TNRC6A: variants seen among roughly 807,000 people sequenced by gnomAD.
TNRC6A encodes trinucleotide repeat-containing gene 6A protein.
TNRC6A carries 44 observed loss-of-function variants against 221.2 expected under a neutral mutation model. That is an observed-to-expected ratio of 0.20 (90% CI 0.16 to 0.26). The LOEUF is 0.26. Among genes scored for constraint, TNRC6A ranks in the 10% least tolerant of loss-of-function variants. TNRC6A has a pLI of 1.00. For missense variants in TNRC6A, 2,199 were observed against 2,404.4 expected (o/e 0.91, Z 1.79); for synonymous variants, 847 against 838.5 (o/e 1.01, Z -0.18).
intron 4 of TNRC6A, among the ~76,000 whole-genome samples, chr16:24,766,674 CTTTTTT>C (rs397972605): frequency 8.2e-6 from 1 of 121,410 alleles, no homozygotes; most frequent in Non-Finnish European, 1.7e-5. Context: ...TTCTTTTTAT[CTTTTTT>C]TTTTTTTTTT....
chr16:24,792,280 G>A lies in TNRC6A; in HGVS notation c.3175+463G>A, dbSNP rs536943313. On this transcript the variant is annotated intron_variant, in intron 6 of 24. Coordinates refer to ENST00000395799, the MANE Select transcript of TNRC6A (RefSeq NM_014494.4). ...ACTTAGATACAGTATATATGTTTGTGTATTTAAAACATTTGACAATACCTT... is the reference window on the plus strand; with the variant it reads ...ACTTAGATACAGTATATATGTTTGTATATTTAAAACATTTGACAATACCTT... Among the ~76,000 whole-genome samples, 27 of 152,112 alleles carry A rather than the reference G, an allele frequency of 1.8e-4. No individual in the cohort carries two copies. The South Asian group carries it at 5.6e-3, about 32-fold the overall frequency.
At chr16:24,630,399 A>G (rs1307323410) in intron 1 of TNRC6A, among the ~76,000 whole-genome samples, 2 of 152,054 alleles carry the variant, frequency 1.3e-5, no homozygotes, top group East Asian at 1.9e-4. Context: ...CACAGTGGCT[A>G]ACATGTGTAA....
At chr16:24,708,318 G>A (rs112115564) in intron 2 of TNRC6A, among the ~76,000 whole-genome samples, 8 of 150,292 alleles carry the variant, frequency 5.3e-5, no homozygotes, top group African/African-American at 1.7e-4. Context: ...TCAGCTCACT[G>A]CAAGCTCCAC....
At chr16:24,818,096 G>A (rs2152088914) in intron 20 of TNRC6A, among the ~76,000 whole-genome samples, 1 of 152,272 alleles carries the variant, frequency 6.6e-6, no homozygotes, top group Admixed American at 6.5e-5. Flanking sequence ...GGTCGATGGG[G>A]TTTTGAAAAT....
chr16:24,726,012 A>C (rs931736320), upstream of TNRC6A, among the ~76,000 whole-genome samples: 18 of 152,068 alleles, frequency 1.2e-4, no homozygotes, highest in Middle Eastern at 3.4e-3. Flanking sequence ...AAAAAAAAAA[A>C]ACAAATCTGT....
At chr16:24,778,121 A>G (rs1220091538) in intron 5 of TNRC6A, among the ~76,000 whole-genome samples, 2 of 152,190 alleles carry the variant, frequency 1.3e-5, no homozygotes, top group Non-Finnish European at 2.9e-5. Context: ...AGTATAGCAT[A>G]CTGATAAAGA....
At chr16:24,630,483 G>A (rs1261014156) in intron 1 of TNRC6A, among the ~76,000 whole-genome samples, 1 of 152,174 alleles carries the variant, frequency 6.6e-6, no homozygotes. Flanking sequence ...GGGCAACGTA[G>A]TGAGAACTTG....
chr16:24,617,100 C>T (rs1900394213), intron 1 of TNRC6A, among the ~76,000 whole-genome samples: 1 of 151,022 alleles, frequency 6.6e-6, no homozygotes, highest in Non-Finnish European at 1.5e-5. Context: ...ATAGATTTAT[C>T]TATTAGTTTT....
rs1308501929 is a variant in TNRC6A, at chr16:24,665,517, T to C, written n.402+24508T>C. 2.0e-5 allele frequency among the ~76,000 whole-genome samples: 3 copies of C among 152,214 alleles called. No homozygotes were observed. In the East Asian group the frequency reaches 5.8e-4, roughly 29 times the overall value. On this transcript the variant is annotated intron_variant and non_coding_transcript_variant, in intron 2 of 2. Transcript: ENST00000566108. Reference sequence around the variant, plus strand: ...GTCAAGACCCACTGCTCCAAGGTGTTTTCTTCACAGTCATAACAATAGTCT... The same window carrying C: ...GTCAAGACCCACTGCTCCAAGGTGTCTTCTTCACAGTCATAACAATAGTCT...
At chr16:24,678,205 G>A (rs142074711) in intron 2 of TNRC6A, among the ~76,000 whole-genome samples, 10 of 151,758 alleles carry the variant, frequency 6.6e-5, no homozygotes, top group Admixed American at 1.3e-4. Flanking sequence ...CAGCTACTCC[G>A]GAGGCTGAGG....
intron 2 of TNRC6A, among the ~76,000 whole-genome samples, chr16:24,715,619 T>TC (rs2056298622): frequency 6.6e-6 from 1 of 150,520 alleles, no homozygotes; most frequent in Non-Finnish European, 1.5e-5. Context: ...TTTTTTTTTT[T>TC]TTCTTTTTTT....
rs1345916110 is a variant in TNRC6A at position 24,823,397 on chromosome 16, T to C, written c.5514-35T>C. 2 of 1,565,208 alleles carry C rather than the reference T, an allele frequency of 1.3e-6. No individual in the cohort carries two copies. The highest frequency in any genetic ancestry group is 8.7e-7 in the Non-Finnish European group (1 of 1,153,718). ...AGTGAATGAAGCCCTCCTGGTGTGC[T>C]GTCCTCACGTGTCCGCGGTGCCTCT... On this transcript the variant is annotated intron_variant, in intron 24 of 24. Transcript: ENST00000395799. This position sits in a 1 kb window ranked among gnomAD's most constrained non-coding sequence, Gnocchi z 4.3.
chr16:24,668,701 A>C (rs529050528), intron 2 of TNRC6A, among the ~76,000 whole-genome samples: 1 of 152,016 alleles, frequency 6.6e-6, no homozygotes, highest in Non-Finnish European at 1.5e-5. Flanking sequence ...GTAATTATTC[A>C]CCCTTAATTA....
chr16:24,708,657 TC>T, intron 2 of TNRC6A, among the ~76,000 whole-genome samples: 1 of 151,908 alleles, frequency 6.6e-6, no homozygotes, highest in Non-Finnish European at 1.5e-5. Flanking sequence ...CCTTCCAACC[TC>T]CCCCTTCGAG....
chr16:24,708,950 C>T (rs2056151410), intron 2 of TNRC6A, among the ~76,000 whole-genome samples: 1 of 152,098 alleles, frequency 6.6e-6, no homozygotes, highest in African/African-American at 2.4e-5. Context: ...AATTGTGCTG[C>T]CATAAACGTA....
chr16:24,801,127 G>C (rs1255364246), intron 11 of TNRC6A, among the ~76,000 whole-genome samples: 2 of 152,182 alleles, frequency 1.3e-5, no homozygotes, highest in Non-Finnish European at 2.9e-5. Context: ...CGAAAATCTG[G>C]ATGTGAAGCT....
At position 24,635,355 on chromosome 16, in the gene TNRC6A, T is replaced by C. The variant is rs985204332; in HGVS notation, n.277-5529T>C. ...TTGAGTGCAGTGGCTCGATCTTGGC[T>C]CACTGCAACCTCTGCCTCCCAGGTT... is the stretch of plus-strand genomic sequence containing the variant. On this transcript the variant is annotated intron_variant and non_coding_transcript_variant, in intron 1 of 2. Transcript: ENST00000566108. Among the ~76,000 whole-genome samples the C allele has an allele frequency of 3.9e-5, 6 of 152,198 alleles. No homozygotes were observed. In the East Asian group the frequency reaches 9.7e-4, roughly 25 times the overall value.
At chr16:24,694,862 G>C (rs1250291638) in intron 2 of TNRC6A, among the ~76,000 whole-genome samples, 1 of 151,618 alleles carries the variant, frequency 6.6e-6, no homozygotes, top group Non-Finnish European at 1.5e-5. Context: ...GAGCCCAGGC[G>C]GTCAAGGCTG....
intron 1 of TNRC6A, among the ~76,000 whole-genome samples, chr16:24,637,264 C>T (rs1045183330): frequency 2.5e-4 from 38 of 152,248 alleles, no homozygotes; most frequent in Admixed American, 6.5e-4. Context: ...AACTCCTGGC[C>T]TCAAGCGATC....
Sources: gnomAD v4.1 joint callset for allele counts (sites outside exome capture counted in the v4.1 genomes callset) on GRCh38, gnomAD v4.1.1 for gene constraint, Gnocchi (gnomAD v3.1) non-coding constraint, MANE v1.5 for transcripts, NCBI Gene and HGNC (gene_info 2026-07-23, HGNC 2026-07-21) for gene names.